The following CALN1 variants were observed in gnomAD, a reference collection of about 807,000 sequenced individuals.
CALN1 encodes calcium-binding protein 8.
A neutral mutation model predicts 30.6 loss-of-function variants in CALN1; 17 were observed. That is an observed-to-expected ratio of 0.56 (90% CI 0.38 to 0.83). The LOEUF (loss-of-function observed/expected upper bound fraction) is 0.83, where lower values mean the gene tolerates loss of function less well. CALN1 is among the 40% of genes least tolerant of loss of function. CALN1 has a pLI of 0.00. For missense variants in CALN1, 291 were observed against 354.9 expected, an observed-to-expected ratio of 0.82 and a Z score of 1.45; for synonymous variants, 156 against 131.4, an observed-to-expected ratio of 1.19 and a Z score of -1.28.
intron 1 of CALN1, among the ~76,000 whole-genome samples, chr7:72,424,551 C>T: frequency 6.6e-6 from 1 of 152,072 alleles, no homozygotes; most frequent in African/African-American, 2.4e-5. Flanking sequence ...TGGTATAAAA[C>T]AAGATTGTTT....
At chr7:71,803,968 GTGT>G (rs1282994267) in intron 6 of CALN1, among the ~76,000 whole-genome samples, 1 of 151,996 alleles carries the variant, frequency 6.6e-6, no homozygotes, top group African/African-American at 2.4e-5. Context: ...GTGTGTGTGT[GTGT>G]GCGTGCATGT....
intron 2 of CALN1, among the ~76,000 whole-genome samples, chr7:72,283,785 A>G (rs1484214255): frequency 1.3e-5 from 2 of 152,166 alleles, no homozygotes; most frequent in Non-Finnish European, 2.9e-5. Flanking sequence ...TGTGAGCAGC[A>G]AAGCACCAGC....
At chr7:71,838,631 T>C (rs1361226036) in intron 5 of CALN1, among the ~76,000 whole-genome samples, 1 of 152,150 alleles carries the variant, frequency 6.6e-6, no homozygotes, top group Non-Finnish European at 1.5e-5. Context: ...TCATCTTGAA[T>C]TGTAGTTCCC....
At chr7:72,318,834 G>A (rs1314956002) in intron 2 of CALN1, among the ~76,000 whole-genome samples, 3 of 2,964 alleles carry the variant, frequency 1.0e-3, no homozygotes, top group Non-Finnish European at 0.014. Context: ...TTTCAGGCAT[G>A]TGTCAGGAAT....
chr7:72,373,590 C>G (rs1804375197), intron 2 of CALN1, among the ~76,000 whole-genome samples: 1 of 152,062 alleles, frequency 6.6e-6, no homozygotes, highest in African/African-American at 2.4e-5. Flanking sequence ...CAACTATAGG[C>G]TAATATAAGT....
chr7:71,794,028 C>A (rs954636937), intron 6 of CALN1, among the ~76,000 whole-genome samples: 7 of 152,128 alleles, frequency 4.6e-5, no homozygotes, highest in Admixed American at 4.6e-4. Flanking sequence ...CCAGCCTCAG[C>A]GGGTTGGGTA....
chr7:72,411,574 G>A (rs1048522669), intron 1 of CALN1, among the ~76,000 whole-genome samples: 1 of 152,146 alleles, frequency 6.6e-6, no homozygotes, highest in Non-Finnish European at 1.5e-5. Context: ...CTCAGGCAAT[G>A]AGCACTCAAA....
At chr7:72,380,446 G>A (rs911877383) in intron 2 of CALN1, among the ~76,000 whole-genome samples, 1 of 152,110 alleles carries the variant, frequency 6.6e-6, no homozygotes, top group African/African-American at 2.4e-5. Flanking sequence ...AACATAGCAA[G>A]ACCCCGTCTC....
intron 3 of CALN1, among the ~76,000 whole-genome samples, chr7:72,139,219 C>A (rs79149521): frequency 1.3e-5 from 2 of 152,182 alleles, no homozygotes; most frequent in African/African-American, 2.4e-5. Flanking sequence ...ATGTCCCAGG[C>A]GCTTCCAGAA....
intron 5 of CALN1, among the ~76,000 whole-genome samples, chr7:71,928,779 A>G (rs1161786921): frequency 6.6e-6 from 1 of 152,088 alleles, no homozygotes; most frequent in African/African-American, 2.4e-5. Flanking sequence ...TGCCTATAAT[A>G]TCACCATTTT....
chr7:71,809,696 C>CT (rs1462583656), intron 6 of CALN1, among the ~76,000 whole-genome samples: 1 of 151,760 alleles, frequency 6.6e-6, no homozygotes, highest in African/African-American at 2.4e-5. Context: ...AGTAGGCTCT[C>CT]TTTTTTCTTT....
At chr7:71,975,235 T>G (rs1475270451) in intron 5 of CALN1, among the ~76,000 whole-genome samples, 4 of 152,124 alleles carry the variant, frequency 2.6e-5, no homozygotes, top group Non-Finnish European at 5.9e-5. Flanking sequence ...TTCCACCAAT[T>G]TGACATTCAT....
At chr7:72,309,502 T>C (rs1381338167) in intron 2 of CALN1, among the ~76,000 whole-genome samples, 4 of 151,722 alleles carry the variant, frequency 2.6e-5, no homozygotes, top group Non-Finnish European at 5.9e-5. Flanking sequence ...CAGAAAAGAA[T>C]AGGGGAGGGG....
chr7:72,483,372 T>A, the CALN1 span, among the ~76,000 whole-genome samples: 285 of 145,174 alleles, frequency 2.0e-3, 2 homozygotes, highest in African/African-American at 6.8e-3. Context: ...GCAACCTCCA[T>A]CTCCCAGGTT....
intron 6 of CALN1, among the ~76,000 whole-genome samples, chr7:71,801,412 GTATGTATGTATGTATGTATCTATCTATC>G (rs1787296476): frequency 7.7e-6 from 1 of 129,396 alleles, no homozygotes; most frequent in African/African-American, 2.8e-5. Flanking sequence ...ATGTATGTAT[GTATGTATGTATGTATGTATCTATCTATC>G]TATCTATCTA....
chr7:72,325,990 C>T (rs970241558), intron 2 of CALN1, among the ~76,000 whole-genome samples: 3 of 152,202 alleles, frequency 2.0e-5, no homozygotes, highest in Admixed American at 2.0e-4. Context: ...CAACCTCCAC[C>T]TCCCGGGTTC....
the CALN1 span, among the ~76,000 whole-genome samples, chr7:72,486,998 A>T: frequency 6.6e-6 from 1 of 152,212 alleles, no homozygotes; most frequent in African/African-American, 2.4e-5. Flanking sequence ...CTTATTATGT[A>T]TCATGTGTGT....
At position 72,147,282 on chromosome 7, in the gene CALN1, AC is replaced by A. The variant is rs1307029239; in HGVS notation, c.245-40989del. Among the ~76,000 whole-genome samples the A allele has an allele frequency of 2.0e-5, 3 of 151,952 alleles. 1 individual carries two copies. The highest frequency in any genetic ancestry group is 2.9e-5 in the Non-Finnish European group (2 of 68,016). On this transcript the variant is annotated intron_variant, in intron 3 of 6. Transcript: ENST00000395275. ...CAAACAAATTTACAAGAAAAACACA[AC>A]CCCATCAACAAGTGGGCAAAGGATA...
rs1246795736 is a variant in CALN1, at chr7:72,205,557, T to TACATATATAC, written c.244+73128_244+73129insGTATATATGT. ...CTCCTGATTGCAAAAAAAAAATATA[T>TACATATATAC]ATATATATATGTATATATATATATA... On this transcript the variant is annotated intron_variant, in intron 3 of 6. Coordinates refer to ENST00000395275, the MANE Select transcript of CALN1 (RefSeq NM_031468.4). Among the ~76,000 whole-genome samples, 34 of 109,934 alleles carry TACATATATAC rather than the reference T, an allele frequency of 3.1e-4. 7 individuals are homozygous for TACATATATAC. In the East Asian group the frequency reaches 0.014, roughly 44 times the overall value. The allele number at this position is 109,934 out of a possible 152,430, so 72.1% of individuals were successfully genotyped here. A position where few individuals can be genotyped will look rare whatever the true frequency, so the allele number is the denominator to read the frequency against.
Sources: gnomAD v4.1 joint callset for allele counts (sites outside exome capture counted in the v4.1 genomes callset) on GRCh38, gnomAD v4.1.1 for gene constraint, MANE v1.5 for transcripts, NCBI Gene and HGNC (gene_info 2026-07-23, HGNC 2026-07-21) for gene names.